The following TRAPPC3L variants were observed in gnomAD, a reference collection of about 807,000 sequenced individuals.
TRAPPC3L encodes trafficking protein particle complex subunit 3L, also known as trafficking protein particle complex subunit 3-like protein.
In TRAPPC3L, 23 loss-of-function variants were observed where a neutral mutation model predicts 23.7. The ratio of observed to expected loss-of-function variants is 0.97; its 90% CI spans 0.70 to 1.37. The LOEUF is 1.37. Ranked by LOEUF, TRAPPC3L falls within the 40% of genes most tolerant of loss-of-function variation. The pLI, the probability that TRAPPC3L is intolerant of heterozygous loss-of-function variation, is 0.00. For missense variants in TRAPPC3L, 212 were observed against 216.8 expected (o/e 0.98, Z 0.14); for synonymous variants, 81 against 77.9 (o/e 1.04, Z -0.21).
At chr6:116,509,995 TC>T (rs1335502357) in intron 3 of TRAPPC3L, among the ~76,000 whole-genome samples, 1 of 151,624 alleles carries the variant, frequency 6.6e-6, no homozygotes, top group Admixed American at 6.6e-5. Flanking sequence ...AAACAAATAA[TC>T]CCATCAAAAA....
intron 3 of TRAPPC3L, chr6:116,512,187 T>A: frequency 6.2e-7 from 1 of 1,609,554 alleles, no homozygotes; most frequent in Non-Finnish European, 8.5e-7. Context: ...ACTAGCATGC[T>A]ACCTACCGTC....
At chr6:116,507,858 T>A (rs1772034078) in intron 3 of TRAPPC3L, among the ~76,000 whole-genome samples, 1 of 152,188 alleles carries the variant, frequency 6.6e-6, no homozygotes, top group African/African-American at 2.4e-5. Flanking sequence ...ATGGAAGAAA[T>A]CTTGCAGACT....
intron 3 of TRAPPC3L, among the ~76,000 whole-genome samples, chr6:116,526,330 G>C (rs1210569794): frequency 1.3e-5 from 2 of 152,196 alleles, no homozygotes; most frequent in African/African-American, 4.8e-5. Context: ...AGAAGAATTT[G>C]GATGGAGGGT....
intron 3 of TRAPPC3L, among the ~76,000 whole-genome samples, chr6:116,511,119 T>TATAC (rs1772108599): frequency 6.8e-6 from 1 of 147,430 alleles, no homozygotes; most frequent in Non-Finnish European, 1.5e-5. Flanking sequence ...TATATATATA[T>TATAC]ATGTATATTT....
chr6:116,525,248 T>G (rs541833802), intron 3 of TRAPPC3L, among the ~76,000 whole-genome samples: 4 of 152,326 alleles, frequency 2.6e-5, no homozygotes, highest in South Asian at 4.1e-4. Context: ...GCCAGTTGTA[T>G]TCTTAATATC....
At chr6:116,523,871 A>T (rs1275465156) in intron 3 of TRAPPC3L, 1 of 152,196 alleles carries the variant, frequency 6.6e-6, no homozygotes, top group Non-Finnish European at 1.5e-5. Context: ...CAGTCTCCCC[A>T]CAGATTAACA....
intron 3 of TRAPPC3L, among the ~76,000 whole-genome samples, chr6:116,512,745 A>AC (rs1319199346): frequency 2.0e-5 from 3 of 152,210 alleles, no homozygotes; most frequent in African/African-American, 7.2e-5. Flanking sequence ...ATTTCTGGCA[A>AC]CTGCTATCTC....
intron 4 of TRAPPC3L, 141 bp from the exon 5 acceptor site, chr6:116,497,214 ACTGAGTG>A: frequency 9.9e-7 from 1 of 1,005,714 alleles, no homozygotes. Context: ...AGGGCCCTTT[ACTGAGTG>A]TCCTCCGGAG....
intron 3 of TRAPPC3L, chr6:116,520,977 C>G (rs1320847628): frequency 1.3e-5 from 2 of 151,256 alleles, no homozygotes; most frequent in African/African-American, 4.9e-5. Flanking sequence ...TTTGATGTAC[C>G]TGGGTCTCTC....
chr6:116,496,407 G>A lies in TRAPPC3L; in HGVS notation c.*547C>T, dbSNP rs570332565. ...ATCATTGAATAAATAGCTTGACTTG[G>A]TGATTACAAATCAAGGGTAGCGTCA... is the stretch of plus-strand genomic sequence containing the variant. On this transcript the variant is annotated 3_prime_UTR_variant, in exon 5 of 5. Coordinates refer to ENST00000368602, the MANE Select transcript of TRAPPC3L (RefSeq NM_001139444.3). 6 of 152,202 alleles carry A rather than the reference G, an allele frequency of 3.9e-5. No homozygotes were observed. In the South Asian group the frequency reaches 1.2e-3, roughly 32 times the overall value. The allele number at this position is 152,202 out of a possible 1,614,324, so 9.4% of individuals were successfully genotyped here. A position where few individuals can be genotyped will look rare whatever the true frequency, so the allele number is the denominator to read the frequency against.
chr6:116,511,106 GTA>G (rs59896067), intron 3 of TRAPPC3L, among the ~76,000 whole-genome samples: 62 of 140,854 alleles, frequency 4.4e-4, no homozygotes, highest in African/African-American at 1.5e-3. Flanking sequence ...ATATATATAT[GTA>G]TATATATATA....
chr6:116,543,869 A>G, intron 1 of TRAPPC3L: 1 of 1,532,560 alleles, frequency 6.5e-7, no homozygotes, highest in Non-Finnish European at 8.7e-7. Context: ...GTAGCAGCAA[A>G]TTTGTGAGTT....
intron 3 of TRAPPC3L, chr6:116,517,866 G>C (rs1272424168): frequency 6.6e-6 from 1 of 152,090 alleles, no homozygotes; most frequent in Admixed American, 6.5e-5. Flanking sequence ...GATCACAAAT[G>C]GATAATGATT....
At chr6:116,528,326 A>G (rs1380472676) in intron 3 of TRAPPC3L, among the ~76,000 whole-genome samples, 1 of 152,164 alleles carries the variant, frequency 6.6e-6, no homozygotes, top group Non-Finnish European at 1.5e-5. Flanking sequence ...GTGGCTGTAC[A>G]CATATGCTTT....
intron 3 of TRAPPC3L, among the ~76,000 whole-genome samples, chr6:116,529,356 G>A (rs925739364): frequency 2.6e-5 from 4 of 151,988 alleles, no homozygotes; most frequent in African/African-American, 4.8e-5. Context: ...AGACAGTGGC[G>A]AGATATTAAA....
At chr6:116,535,909 T>C (rs1282570338) in intron 3 of TRAPPC3L, among the ~76,000 whole-genome samples, 2 of 152,226 alleles carry the variant, frequency 1.3e-5, no homozygotes, top group Non-Finnish European at 2.9e-5. Flanking sequence ...TAAGTCTCAA[T>C]TATTCTATCA....
At chr6:116,529,972 C>A (rs950160547) in intron 3 of TRAPPC3L, among the ~76,000 whole-genome samples, 20 of 152,010 alleles carry the variant, frequency 1.3e-4, no homozygotes, top group African/African-American at 4.6e-4. Context: ...AAAGAACATT[C>A]AGAGGACAGG....
chr6:116,496,985 C>T lies in TRAPPC3L; in HGVS notation c.515G>A (p.Arg172Gln), dbSNP rs780213422. ...TEIGITFLKK[R>Q]DEKKYRGKK The stretch of plus-strand genomic sequence containing the variant: ...TTTCCCTCTATATTTTTTCTCGTCT[C>T]GCTTTTTTAGAAATGTTATTCCTAT... Residue 172 changes from arginine (R) to glutamine (Q), a missense_variant, in exon 5 of 5, where the codon CGA becomes CAA. Physicochemically the swap from Arg to Gln is conservative, Grantham distance 43 (BLOSUM62 1). Transcript: ENST00000368602. 3.7e-5 allele frequency: 57 copies of T among 1,545,802 alleles called. No individual in the cohort carries two copies. Among genetic ancestry groups the T allele is most frequent in the Non-Finnish European group, 4.4e-5 (50 of 1,145,534 alleles).
In TRAPPC3L at chr6:116,540,444, C is replaced by T. The variant is rs373118322; in HGVS notation, c.159G>A (p.Thr53=). 2 of 1,551,268 alleles carry T rather than the reference C, an allele frequency of 1.3e-6. No homozygotes were observed. The highest frequency in any genetic ancestry group is 1.4e-5 in the African/African-American group (1 of 73,096). ...YLDKMGYGIG[T]RLVEDFLARS... is the part of the protein sequence containing the mutation. The stretch of plus-strand genomic sequence containing the variant: ...GAGCCAAAAAGTCTTCCACAAGCCG[C>T]GTTCCAATGCCGTAACCCCTGTGGA... Residue 53 remains threonine, a synonymous_variant, in exon 3 of 5, where the codon ACG becomes ACA. Transcript: ENST00000368602.
Sources: gnomAD v4.1 joint callset for allele counts (sites outside exome capture counted in the v4.1 genomes callset) on GRCh38, gnomAD v4.1.1 for gene constraint, MANE v1.5 for transcripts, NCBI Gene and HGNC (gene_info 2026-07-23, HGNC 2026-07-21) for gene names.